The following GRM7 variants were observed in gnomAD, a reference collection of about 807,000 sequenced individuals.
GRM7 encodes glutamate metabotropic receptor 7, also known as metabotropic glutamate receptor 7.
A neutral mutation model predicts 84.5 loss-of-function variants in GRM7; 35 were observed. That is an observed-to-expected ratio of 0.41 (90% CI 0.32 to 0.55). The LOEUF (loss-of-function observed/expected upper bound fraction) is 0.55. Among genes scored for constraint, GRM7 ranks in the 20% least tolerant of loss-of-function variants. The pLI, the probability that GRM7 is intolerant of heterozygous loss-of-function variation, is 0.19. For synonymous variants in GRM7, 487 were observed against 455.1 expected, an observed-to-expected ratio of 1.07 and a Z score of -0.89; for missense variants, 1,003 against 1,194.6, an observed-to-expected ratio of 0.84 and a Z score of 2.36.
chr3:6,938,587 A>G (rs1256742456), intron 1 of GRM7, among the ~76,000 whole-genome samples: 2 of 152,338 alleles, frequency 1.3e-5, no homozygotes, highest in South Asian at 2.1e-4. Flanking sequence ...AGAGACAGGC[A>G]TTGACACCAT....
chr3:7,162,534 C>A (rs1345249281), intron 2 of GRM7, among the ~76,000 whole-genome samples: 1 of 151,382 alleles, frequency 6.6e-6, no homozygotes, highest in Non-Finnish European at 1.5e-5. Flanking sequence ...ATGTTAAGGC[C>A]AAAAACCTCA....
chr3:7,700,201 C>T (rs563046476), intron 9 of GRM7, among the ~76,000 whole-genome samples: 4 of 152,260 alleles, frequency 2.6e-5, no homozygotes, highest in African/African-American at 7.2e-5. Context: ...CACATCCCCG[C>T]GACTCAGTGG....
At chr3:7,463,135 C>T (rs894279057) in intron 7 of GRM7, among the ~76,000 whole-genome samples, 1 of 152,052 alleles carries the variant, frequency 6.6e-6, no homozygotes, top group African/African-American at 2.4e-5. Context: ...GAATCAAGGT[C>T]TATGGTACAT....
Position 7,667,077 on chromosome 3 carries a change from C to A in GRM7, c.2452-12972C>A, listed in dbSNP as rs1046610422. Among the ~76,000 whole-genome samples, 3 of 151,862 alleles carry A rather than the reference C, an allele frequency of 2.0e-5. No individual in the cohort carries two copies. The South Asian group carries it at 6.2e-4, about 32-fold the overall frequency. On this transcript the variant is annotated intron_variant, in intron 8 of 9. Transcript: ENST00000357716. ...ACATCAGAGTTTGAAGTCATCTGGG[C>A]AACACAGCAAGACTCTGTCTCTACA...
At chr3:7,153,133 ATTT>A (rs34465661) in intron 2 of GRM7, among the ~76,000 whole-genome samples, 5 of 103,370 alleles carry the variant, frequency 4.8e-5, no homozygotes, top group African/African-American at 1.5e-4. Flanking sequence ...GGTACTGTGG[ATTT>A]TTTTTTTTTT....
At chr3:7,500,466 C>T (rs1699849420) in intron 7 of GRM7, among the ~76,000 whole-genome samples, 1 of 152,198 alleles carries the variant, frequency 6.6e-6, no homozygotes, top group Non-Finnish European at 1.5e-5. Flanking sequence ...GTTTCTTCAA[C>T]TTGGTCTGCA....
chr3:7,504,847 G>C (rs1699992709), intron 7 of GRM7, among the ~76,000 whole-genome samples: 1 of 152,114 alleles, frequency 6.6e-6, no homozygotes, highest in Non-Finnish European at 1.5e-5. Flanking sequence ...CTTCTTACAT[G>C]CAAAATAATT....
Position 6,989,189 on chromosome 3 carries a change from G to A in GRM7, c.519+127282G>A, listed in dbSNP as rs184728589. ...AGATTTCCTTTAAAGGTATTTTGAT[G>A]TTCAAATAGCAGTCTGGAAGGCCAT... On this transcript the variant is annotated intron_variant, in intron 1 of 9. Transcript: ENST00000357716. Among the ~76,000 whole-genome samples, 53 of 152,264 alleles carry A rather than the reference G, an allele frequency of 3.5e-4. 2 individuals carry two copies. In the East Asian group the frequency reaches 8.1e-3, roughly 23 times the overall value.
intron 2 of GRM7, among the ~76,000 whole-genome samples, chr3:7,150,086 TGAGA>T (rs370334123): frequency 7.3e-5 from 11 of 149,960 alleles, no homozygotes; most frequent in African/African-American, 2.0e-4. Context: ...TGTGTGTGTG[TGAGA>T]GAGAGAGAGA....
chr3:7,570,460 C>A (rs12639231), intron 7 of GRM7, among the ~76,000 whole-genome samples: 2,122 of 152,284 alleles, frequency 0.014, 43 homozygotes, highest in East Asian at 0.045. Flanking sequence ...GGGCCTCATG[C>A]AAGTCCAAAA....
At chr3:7,499,523 A>T (rs889419792) in intron 7 of GRM7, among the ~76,000 whole-genome samples, 1 of 152,200 alleles carries the variant, frequency 6.6e-6, no homozygotes, top group African/African-American at 2.4e-5. Flanking sequence ...CTTGGAGATT[A>T]CTTTCTGGTA....
intron 1 of GRM7, among the ~76,000 whole-genome samples, chr3:6,943,569 G>T (rs957631359): frequency 1.3e-5 from 2 of 151,908 alleles, no homozygotes; most frequent in African/African-American, 4.8e-5. Flanking sequence ...TCTTTATGCC[G>T]ATATCCTACT....
At chr3:7,007,288 C>T (rs754514366) in intron 1 of GRM7, among the ~76,000 whole-genome samples, 9 of 152,062 alleles carry the variant, frequency 5.9e-5, no homozygotes, top group Admixed American at 1.3e-4. Context: ...TAACCTGTAT[C>T]GTGATGATAA....
intron 2 of GRM7, among the ~76,000 whole-genome samples, chr3:7,247,176 G>C (rs1697794899): frequency 6.6e-6 from 1 of 152,040 alleles, no homozygotes; most frequent in Non-Finnish European, 1.5e-5. Flanking sequence ...TTAAATTTAA[G>C]AGTTAAACCT....
At chr3:7,148,965 G>A (rs1298580318) in intron 2 of GRM7, among the ~76,000 whole-genome samples, 1 of 151,968 alleles carries the variant, frequency 6.6e-6, no homozygotes, top group Non-Finnish European at 1.5e-5. Context: ...ATGGTATTTG[G>A]CATGTATTTA....
intron 7 of GRM7, among the ~76,000 whole-genome samples, chr3:7,485,233 C>T (rs1057244014): frequency 3.3e-5 from 5 of 152,142 alleles, no homozygotes; most frequent in African/African-American, 1.2e-4. Flanking sequence ...TGTTGAGTCA[C>T]TATGTGTTGG....
intron 7 of GRM7, among the ~76,000 whole-genome samples, chr3:7,539,759 A>G (rs1692769447): frequency 6.6e-6 from 1 of 152,076 alleles, no homozygotes; most frequent in Non-Finnish European, 1.5e-5. Context: ...AGGAGGAGTT[A>G]AAGTCTTTAA....
chr3:6,896,921 T>C (rs1227554113), intron 1 of GRM7, among the ~76,000 whole-genome samples: 1 of 152,216 alleles, frequency 6.6e-6, no homozygotes, highest in Non-Finnish European at 1.5e-5. Flanking sequence ...TGAATGTATG[T>C]GTGTGCTCTA....
In GRM7 at chr3:6,902,883, C is replaced by CACACACA. The variant is rs1287165184; in HGVS notation, c.519+40976_519+40977insACACACA. 6.6e-3 allele frequency among the ~76,000 whole-genome samples: 867 copies of CACACACA among 131,536 alleles called. 7 individuals carry two copies. Among genetic ancestry groups the CACACACA allele is most frequent in the African/African-American group, 0.015 (522 of 34,050 alleles). 86.3% of individuals were successfully genotyped at this position (131,536 alleles called of 152,430 possible). ...CACACACACACACACACACACACAC[C>CACACACA]CCTACTCTAGAGAATGGAATTTTAA... On this transcript the variant is annotated intron_variant, in intron 1 of 9. Coordinates refer to ENST00000357716, the MANE Select transcript of GRM7 (RefSeq NM_000844.4).
Sources: gnomAD v4.1 joint callset for allele counts (sites outside exome capture counted in the v4.1 genomes callset) on GRCh38, gnomAD v4.1.1 for gene constraint, MANE v1.5 for transcripts, NCBI Gene and HGNC (gene_info 2026-07-23, HGNC 2026-07-21) for gene names.